The following ABTB3 variants were observed in gnomAD, a reference collection of about 807,000 sequenced individuals.
ABTB3 encodes the protein ankyrin repeat and BTB domain containing 3, also known as ankyrin repeat- and BTB/POZ domain-containing protein 3.
chr12:107,513,894 G>A, the ABTB3 span, among the ~76,000 whole-genome samples: 2 of 152,200 alleles, frequency 1.3e-5, no homozygotes, highest in African/African-American at 4.8e-5. Flanking sequence ...TGTTCAAAAT[G>A]ACCTTACCAA....
chr12:107,358,625 C>T, the ABTB3 span, among the ~76,000 whole-genome samples: 1 of 151,960 alleles, frequency 6.6e-6, no homozygotes, highest in African/African-American at 2.4e-5. Context: ...GACAGCGTTT[C>T]ACTCTGTCAC....
chr12:107,554,778 A>G, the ABTB3 span, among the ~76,000 whole-genome samples: 1 of 152,204 alleles, frequency 6.6e-6, no homozygotes, highest in East Asian at 1.9e-4. Flanking sequence ...CAGGGACAAC[A>G]CTGTGAATAA....
chr12:107,398,021 G>C, the ABTB3 span, among the ~76,000 whole-genome samples: 1 of 152,134 alleles, frequency 6.6e-6, no homozygotes, highest in African/African-American at 2.4e-5. Flanking sequence ...AAAAGCCCAG[G>C]CTGCTATGAG....
At chr12:107,590,431 G>C in the ABTB3 span, among the ~76,000 whole-genome samples, 1 of 152,186 alleles carries the variant, frequency 6.6e-6, no homozygotes, top group African/African-American at 2.4e-5. Flanking sequence ...GTGGTGCAGA[G>C]TCATAGAAGA....
the ABTB3 span, among the ~76,000 whole-genome samples, chr12:107,564,090 CTGTG>C: frequency 0.019 from 2,338 of 126,378 alleles, 30 homozygotes; most frequent in African/African-American, 0.031. Flanking sequence ...ATCTATCTCT[CTGTG>C]TGTGTGTGTG....
the ABTB3 span, among the ~76,000 whole-genome samples, chr12:107,455,892 A>C: frequency 6.6e-6 from 1 of 152,084 alleles, no homozygotes; most frequent in African/African-American, 2.4e-5. Context: ...CCAGAGAGGG[A>C]GCAGAATTGA....
At chr12:107,347,520 G>A in the ABTB3 span, among the ~76,000 whole-genome samples, 1,008 of 152,194 alleles carry the variant, frequency 6.6e-3, 12 homozygotes, top group African/African-American at 0.023. Flanking sequence ...GCCTTGATGC[G>A]TTTCGACCCC....
the ABTB3 span, among the ~76,000 whole-genome samples, chr12:107,374,232 C>T: frequency 1.1e-4 from 16 of 152,338 alleles, no homozygotes; most frequent in African/African-American, 3.8e-4. Context: ...TTGAGGTCTG[C>T]TGGGTCCTTT....
At chr12:107,459,947 G>A in the ABTB3 span, among the ~76,000 whole-genome samples, 1 of 152,214 alleles carries the variant, frequency 6.6e-6, no homozygotes, top group Non-Finnish European at 1.5e-5. Flanking sequence ...CAGCCAGGGG[G>A]GCAGGGGTGG....
chr12:107,542,619 C>A, the ABTB3 span, among the ~76,000 whole-genome samples: 12 of 152,250 alleles, frequency 7.9e-5, no homozygotes, highest in South Asian at 1.2e-3. Flanking sequence ...GGGCACTGAA[C>A]CCCTATGCAG....
chr12:107,505,499 A>G, the ABTB3 span, among the ~76,000 whole-genome samples: 3 of 152,324 alleles, frequency 2.0e-5, no homozygotes, highest in East Asian at 5.8e-4. Flanking sequence ...TGGATTATTC[A>G]GCAAATATTG....
At chr12:107,531,031 C>T in the ABTB3 span, among the ~76,000 whole-genome samples, 1 of 152,208 alleles carries the variant, frequency 6.6e-6, no homozygotes, top group Non-Finnish European at 1.5e-5. Flanking sequence ...TCAGACAGAC[C>T]TAGGTTGGAA....
chr12:107,411,608 G>A, the ABTB3 span, among the ~76,000 whole-genome samples: 7 of 152,236 alleles, frequency 4.6e-5, no homozygotes, highest in South Asian at 2.1e-4. Context: ...CTGGCTCTCC[G>A]TTGCCTCAGA....
the ABTB3 span, chr12:107,319,740 G>C: frequency 3.3e-6 from 5 of 1,525,630 alleles, no homozygotes; most frequent in South Asian, 1.2e-5. Context: ...CCTGGGTCAG[G>C]CTCGGGCTCC....
chr12:107,550,127 C>A, the ABTB3 span, among the ~76,000 whole-genome samples: 6 of 152,150 alleles, frequency 3.9e-5, no homozygotes, highest in Non-Finnish European at 7.4e-5. Flanking sequence ...CCTAATAAGA[C>A]TTCTGGTGGG....
At chr12:107,488,732 C>T in the ABTB3 span, among the ~76,000 whole-genome samples, 3 of 151,462 alleles carry the variant, frequency 2.0e-5, no homozygotes, top group African/African-American at 7.3e-5. Flanking sequence ...AGTTTAGTGG[C>T]ATTTGGTACA....
At chr12:107,347,313 G>A in the ABTB3 span, among the ~76,000 whole-genome samples, 2 of 152,130 alleles carry the variant, frequency 1.3e-5, no homozygotes, top group Admixed American at 1.3e-4. Flanking sequence ...TAAATATAAA[G>A]TTAAATATGA....
At chr12:107,653,084 G>A in the ABTB3 span, among the ~76,000 whole-genome samples, 1 of 152,100 alleles carries the variant, frequency 6.6e-6, no homozygotes, top group Non-Finnish European at 1.5e-5. Flanking sequence ...AAGATGAAGA[G>A]TTATTTTATT....
the ABTB3 span, among the ~76,000 whole-genome samples, chr12:107,637,749 A>T: frequency 6.7e-6 from 1 of 150,220 alleles, no homozygotes; most frequent in African/African-American, 2.5e-5. Flanking sequence ...GACAATAGGG[A>T]GTGGTGGGGA....
Sources: allele counts gnomAD v4.1 joint callset (sites outside exome capture counted in the v4.1 genomes callset), GRCh38; gene constraint gnomAD v4.1.1; transcripts MANE v1.5; gene names NCBI Gene and HGNC (gene_info 2026-07-23, HGNC 2026-07-21).